IDO2: variants seen among roughly 807,000 people sequenced by gnomAD.
IDO2 encodes the protein indoleamine 2,3-dioxygenase-like 1 protein.
Under a neutral mutation model 45.1 loss-of-function variants are expected in IDO2, and 46 were observed. The ratio of observed to expected loss-of-function variants is 1.02; its 90% CI spans 0.80 to 1.30. The LOEUF is 1.30. Among genes scored for constraint, IDO2 ranks in the 50% most tolerant of loss-of-function variants. The pLI is 0.00. For synonymous variants in IDO2, 218 were observed against 184.9 expected, an observed-to-expected ratio of 1.18 and a Z score of -1.45; for missense variants, 544 against 491.8, an observed-to-expected ratio of 1.11 and a Z score of -1.00.
intron 3 of IDO2, among the ~76,000 whole-genome samples, chr8:39,975,038 G>A (rs1808237536): frequency 1.3e-5 from 2 of 152,068 alleles, no homozygotes; most frequent in Non-Finnish European, 2.9e-5. Flanking sequence ...GAACCCAGGA[G>A]GCAGAGGTTG....
chr8:39,952,989 A>T (rs916824260), intron 2 of IDO2, among the ~76,000 whole-genome samples: 1 of 143,850 alleles, frequency 7.0e-6, no homozygotes, highest in Non-Finnish European at 1.5e-5. Context: ...GCTGGTCTCA[A>T]ACTCCCAACC....
At position 39,934,976 on chromosome 8, in the gene IDO2, A is replaced by T; in HGVS notation, c.-260A>T. On this transcript the variant is annotated 5_prime_UTR_variant, in exon 1 of 11. The change creates a new upstream start codon in the 5' untranslated region. Coordinates refer to ENST00000502986, the Ensembl canonical transcript of IDO2. ...TTTCAGTCCAGATGATAGTTAAGAA[A>T]GCAGTAAGAATACAGAGAGTCCACA... 1 of 635,440 alleles carries T rather than the reference A, an allele frequency of 1.6e-6. No homozygotes were observed. The highest frequency in any genetic ancestry group is 2.8e-6 in the Non-Finnish European group (1 of 354,868). 39.4% of individuals were successfully genotyped at this position (635,440 alleles called of 1,614,324 possible).
chr8:39,954,654 T>TC (rs1323710348), intron 2 of IDO2, among the ~76,000 whole-genome samples: 1 of 139,068 alleles, frequency 7.2e-6, no homozygotes, highest in East Asian at 2.1e-4. Flanking sequence ...TCTCTCTTTT[T>TC]TTTTTTTTTT....
At chr8:39,989,873 A>G in intron 8 of IDO2, 35 bp downstream of exon 8, 1 of 1,435,298 alleles carries the variant, frequency 7.0e-7, no homozygotes, top group Non-Finnish European at 9.6e-7. Context: ...AGGATCCCCC[A>G]GGGGTCCTGG....
chr8:39,995,758 A>G (rs868014094), intron 8 of IDO2, among the ~76,000 whole-genome samples: 23 of 152,196 alleles, frequency 1.5e-4, no homozygotes, highest in African/African-American at 5.1e-4. Flanking sequence ...ATTATAACCT[A>G]GGAAAAACCA....
At chr8:39,979,024 G>GT (rs1456388621) in intron 3 of IDO2, 43 bp from the exon 4 acceptor site, 1 of 1,551,854 alleles carries the variant, frequency 6.4e-7, no homozygotes, top group Admixed American at 2.0e-5. Context: ...CCCTGTCCCG[G>GT]TTCCCATCCC....
chr8:40,014,846 C>T, intron 10 of IDO2, among the ~76,000 whole-genome samples: 1 of 152,124 alleles, frequency 6.6e-6, no homozygotes, highest in Non-Finnish European at 1.5e-5. Context: ...CTGGTGCATT[C>T]TTGTCTGAAA....
intron 3 of IDO2, among the ~76,000 whole-genome samples, chr8:39,977,259 A>C (rs998824279): frequency 1.3e-5 from 2 of 152,266 alleles, no homozygotes; most frequent in African/African-American, 4.8e-5. Context: ...AAAAATGCTC[A>C]ATCTCAAGAA....
intron 8 of IDO2, among the ~76,000 whole-genome samples, chr8:39,991,995 A>G (rs1428681450): frequency 1.3e-5 from 2 of 152,220 alleles, no homozygotes; most frequent in Non-Finnish European, 2.9e-5. Context: ...ACATTTTCCC[A>G]CACAGACATA....
chr8:39,997,195 T>C (rs1475731064), intron 8 of IDO2, among the ~76,000 whole-genome samples: 1 of 152,196 alleles, frequency 6.6e-6, no homozygotes, highest in East Asian at 1.9e-4. Context: ...GGGCAGACTT[T>C]ATGAATTAAC....
At chr8:40,013,543 C>T in intron 9 of IDO2, 22 bp from the exon 10 acceptor site, 1 of 1,606,552 alleles carries the variant, frequency 6.2e-7, no homozygotes, top group South Asian at 1.1e-5. Context: ...CCTTTCATCT[C>T]TCTCACTTTT....
intron 9 of IDO2, among the ~76,000 whole-genome samples, chr8:40,012,933 A>T (rs937741732): frequency 6.6e-6 from 1 of 152,200 alleles, no homozygotes; most frequent in Non-Finnish European, 1.5e-5. Context: ...TGTGGTCAAC[A>T]AAGTATTTGA....
chr8:40,015,670 AG>A, exon 11 of IDO2: 1 of 1,093,700 alleles, frequency 9.1e-7, no homozygotes, highest in Non-Finnish European at 1.4e-6. Flanking sequence ...AATGAGGGTC[AG>A]GGTTCTGCCT....
At chr8:39,958,711 A>T (rs2129593681) in intron 2 of IDO2, among the ~76,000 whole-genome samples, 1 of 152,268 alleles carries the variant, frequency 6.6e-6, no homozygotes, top group African/African-American at 2.4e-5. Context: ...TCAGCCTCCC[A>T]AAGTGCTGGG....
At position 39,957,917 on chromosome 8, in the gene IDO2, T is replaced by C. The variant is rs1408377655; in HGVS notation, c.100-5691T>C. ...TTTATTTTATTTTTATTTTTATTTA[T>C]GTATTTGAGATGGAGTCTAGCTCTG... On this transcript the variant is annotated intron_variant, in intron 2 of 10. Coordinates refer to ENST00000502986, the Ensembl canonical transcript of IDO2. Among the ~76,000 whole-genome samples the C allele has an allele frequency of 1.3e-5, 2 of 152,220 alleles. 1 individual carries two copies. Among genetic ancestry groups the C allele is most frequent in the Middle Eastern group, 6.3e-3 (2 of 316 alleles).
intron 8 of IDO2, among the ~76,000 whole-genome samples, chr8:39,992,222 T>A (rs139539524): frequency 5.6e-4 from 85 of 152,336 alleles, no homozygotes; most frequent in African/African-American, 2.0e-3. Context: ...CACAGACTTC[T>A]GAGGCAAGAC....
At chr8:39,979,242 T>G (rs1003271330) in intron 4 of IDO2, 56 bp downstream of exon 4, 1 of 1,548,350 alleles carries the variant, frequency 6.5e-7, no homozygotes, top group Non-Finnish European at 8.7e-7. Context: ...GCGCCTGGAG[T>G]AACGTGCTCC....
intron 2 of IDO2, among the ~76,000 whole-genome samples, chr8:39,951,074 C>CT (rs1807808078): frequency 1.3e-5 from 1 of 77,818 alleles, no homozygotes; most frequent in African/African-American, 3.6e-5. Flanking sequence ...GCTCTCTACT[C>CT]TTGGAAGCAG....
At chr8:39,941,444 C>A (rs1046024863) in intron 1 of IDO2, among the ~76,000 whole-genome samples, 5 of 152,068 alleles carry the variant, frequency 3.3e-5, no homozygotes, top group Admixed American at 2.6e-4. Context: ...TAGAAAGGTG[C>A]TTAGGGGTCA....
Sources: gnomAD v4.1 joint callset for allele counts (sites outside exome capture counted in the v4.1 genomes callset) on GRCh38, gnomAD v4.1.1 for gene constraint, MANE v1.5 for transcripts, NCBI Gene and HGNC (gene_info 2026-07-23, HGNC 2026-07-21) for gene names.